WARS2: variants seen among roughly 807,000 people sequenced by gnomAD.
WARS2 encodes the protein tryptophan--tRNA ligase, mitochondrial.
In WARS2, 28 loss-of-function variants were observed where a neutral mutation model predicts 36.5. The observed-to-expected ratio is 0.77, with a 90% CI of 0.57 to 1.05. The LOEUF (loss-of-function observed/expected upper bound fraction) is 1.05, where lower values mean the gene tolerates loss of function less well. Among genes scored for constraint, WARS2 ranks in the 50% least tolerant of loss-of-function variants. The pLI, the probability that WARS2 is intolerant of heterozygous loss-of-function variation, is 0.00. For missense variants in WARS2, 435 were observed against 456.8 expected, an observed-to-expected ratio of 0.95 and a Z score of 0.44; for synonymous variants, 174 against 178.4, an observed-to-expected ratio of 0.98 and a Z score of 0.20.
chr1:119,121,528 A>G (rs1243675450), intron 1 of WARS2, among the ~76,000 whole-genome samples: 1 of 152,150 alleles, frequency 6.6e-6, no homozygotes, highest in Non-Finnish European at 1.5e-5. Context: ...TCTTCACAGA[A>G]CTAGAAAAAA....
chr1:119,070,104 T>G (rs1651178814), intron 2 of WARS2, among the ~76,000 whole-genome samples: 1 of 152,228 alleles, frequency 6.6e-6, no homozygotes, highest in African/African-American at 2.4e-5. Flanking sequence ...TACCAGGTAC[T>G]GCTCAAAGAT....
intron 2 of WARS2, among the ~76,000 whole-genome samples, chr1:119,055,012 A>G (rs1469565598): frequency 6.6e-6 from 1 of 152,220 alleles, no homozygotes; most frequent in Non-Finnish European, 1.5e-5. Context: ...AGAACTTTAT[A>G]CTTATAAATG....
intron 2 of WARS2, among the ~76,000 whole-genome samples, chr1:119,069,119 A>G (rs1209513973): frequency 6.6e-6 from 1 of 152,248 alleles, no homozygotes. Context: ...CATCATTAGA[A>G]CATTTTCTAA....
intron 2 of WARS2, among the ~76,000 whole-genome samples, chr1:119,069,363 T>C (rs1651124699): frequency 6.6e-6 from 1 of 152,218 alleles, no homozygotes; most frequent in Admixed American, 6.5e-5. Flanking sequence ...TTCTAAATTC[T>C]TATCCTTTCT....
intron 1 of WARS2, among the ~76,000 whole-genome samples, chr1:119,138,924 C>T (rs1656723464): frequency 1.3e-5 from 2 of 152,096 alleles, no homozygotes; most frequent in Non-Finnish European, 2.9e-5. Flanking sequence ...GAAATTTTTT[C>T]TTTAGCATTT....
intron 4 of WARS2, among the ~76,000 whole-genome samples, chr1:119,035,251 C>T (rs1647777896): frequency 6.6e-6 from 1 of 151,968 alleles, no homozygotes; most frequent in Non-Finnish European, 1.5e-5. Flanking sequence ...TTTATACATG[C>T]AATGCTTGGC....
intron 5 of WARS2, among the ~76,000 whole-genome samples, chr1:119,033,859 T>C (rs543657136): frequency 8.5e-5 from 13 of 152,348 alleles, no homozygotes; most frequent in African/African-American, 2.6e-4. Flanking sequence ...GTCTCTTCCA[T>C]ACTTTTAAAA....
chr1:119,135,646 A>G lies in WARS2; in HGVS notation c.90+4909T>C, dbSNP rs976357749. 5.3e-5 allele frequency among the ~76,000 whole-genome samples: 8 copies of G among 152,228 alleles called. No homozygotes were observed. In the East Asian group the frequency reaches 5.8e-4, roughly 11 times the overall value. On this transcript the variant is annotated intron_variant, in intron 1 of 5. Coordinates refer to ENST00000235521, the MANE Select transcript of WARS2 (RefSeq NM_015836.4). ...AACACATACCATGAGACTTTAGCACATAGCAGGCACTAGCTGTTAGTTCCT... is the reference window on the plus strand; with the variant it reads ...AACACATACCATGAGACTTTAGCACGTAGCAGGCACTAGCTGTTAGTTCCT...
chr1:119,092,846 C>T (rs1330412916), intron 1 of WARS2, among the ~76,000 whole-genome samples: 1 of 152,218 alleles, frequency 6.6e-6, no homozygotes, highest in African/African-American at 2.4e-5. Context: ...TCTTCATCAT[C>T]TAATCAATTA....
upstream of WARS2, chr1:119,140,672 G>C (rs763811903): frequency 5.6e-6 from 9 of 1,602,200 alleles, no homozygotes; most frequent in Non-Finnish European, 6.8e-6. Context: ...CGTCTTGTTT[G>C]GAATGACGTC....
chr1:119,040,780 C>G (rs1322233358), intron 4 of WARS2, among the ~76,000 whole-genome samples: 1 of 152,168 alleles, frequency 6.6e-6, no homozygotes, highest in African/African-American at 2.4e-5. Flanking sequence ...AATAATTATT[C>G]CCGTTTTACA....
intron 2 of WARS2, among the ~76,000 whole-genome samples, chr1:119,071,980 G>T (rs766333024): frequency 1.4e-4 from 22 of 151,850 alleles, no homozygotes; most frequent in Non-Finnish European, 2.5e-4. Context: ...AGAAGAAAAA[G>T]AAAAAAAGAC....
chr1:119,137,006 T>C (rs1656554695), intron 1 of WARS2, among the ~76,000 whole-genome samples: 1 of 152,086 alleles, frequency 6.6e-6, no homozygotes, highest in Admixed American at 6.5e-5. Flanking sequence ...TCTTCAAAAG[T>C]GCCAAGGTCA....
intron 2 of WARS2, among the ~76,000 whole-genome samples, chr1:119,055,003 GA>G (rs2101172291): frequency 6.6e-6 from 1 of 152,230 alleles, no homozygotes; most frequent in Admixed American, 6.5e-5. Flanking sequence ...ATACATTACA[GA>G]ACTTTATACT....
chr1:119,118,670 G>A (rs587744286), intron 1 of WARS2, among the ~76,000 whole-genome samples: 3 of 152,298 alleles, frequency 2.0e-5, no homozygotes, highest in South Asian at 2.1e-4. Flanking sequence ...CATCTTAAGA[G>A]CTGTGAAGCA....
intron 1 of WARS2, among the ~76,000 whole-genome samples, chr1:119,086,674 T>C (rs1217602396): frequency 6.6e-6 from 1 of 152,140 alleles, no homozygotes; most frequent in Non-Finnish European, 1.5e-5. Flanking sequence ...GAAACTGTCT[T>C]CCTCAGGGTA....
chr1:119,047,231 T>C (rs1050028099), intron 2 of WARS2, among the ~76,000 whole-genome samples: 1 of 152,152 alleles, frequency 6.6e-6, no homozygotes, highest in Non-Finnish European at 1.5e-5. Context: ...TACATTCCCA[T>C]TAGAAGTAAT....
Position 119,081,996 on chromosome 1 carries a change from A to G in WARS2, c.91-5389T>C, listed in dbSNP as rs780051444. On this transcript the variant is annotated intron_variant, in intron 1 of 5. Coordinates refer to ENST00000235521, the MANE Select transcript of WARS2 (RefSeq NM_015836.4). The stretch of plus-strand genomic sequence containing the variant: ...ATCATTTCTAAGCATCTGCTTAGAA[A>G]TAAAACCAGATGCTCAGACCTAGGA... Among the ~76,000 whole-genome samples the G allele has an allele frequency of 1.1e-4, 16 of 152,324 alleles. 3 individuals are homozygous for G. Among genetic ancestry groups the G allele is most frequent in the African/African-American group, 3.8e-4 (16 of 41,568 alleles).
chr1:119,115,117 A>T lies in WARS2; in HGVS notation c.90+25438T>A, dbSNP rs890355172. Among the ~76,000 whole-genome samples the T allele has an allele frequency of 8.5e-5, 13 of 152,320 alleles. No individual in the cohort carries two copies. In the East Asian group the frequency reaches 1.3e-3, roughly 16 times the overall value. On this transcript the variant is annotated intron_variant, in intron 1 of 5. Transcript: ENST00000235521. ...ACTTACAAACACTTAATACAATTTT[A>T]AATAATGTCAATATTAATGACATTT...
Sources: allele counts gnomAD v4.1 joint callset (sites outside exome capture counted in the v4.1 genomes callset), GRCh38; gene constraint gnomAD v4.1.1; transcripts MANE v1.5; gene names NCBI Gene and HGNC (gene_info 2026-07-23, HGNC 2026-07-21).